Variants in RDX observed in about 807,000 individuals in gnomAD.
The protein encoded by RDX is radixin.
RDX carries 32 observed loss-of-function variants against 83.7 expected under a neutral mutation model. The ratio of observed to expected loss-of-function variants is 0.38; its 90% CI spans 0.29 to 0.51. The LOEUF (loss-of-function observed/expected upper bound fraction) is 0.51. Ranked by LOEUF, RDX falls within the 20% of genes least tolerant of loss-of-function variation. The pLI, the probability that RDX is intolerant of heterozygous loss-of-function variation, is 0.87. For synonymous variants in RDX, 229 were observed against 222.7 expected (o/e 1.03, Z -0.25); for missense variants, 600 against 689.9 (o/e 0.87, Z 1.46).
intron 14 of RDX, among the ~76,000 whole-genome samples, chr11:110,222,294 ATGCAAACC>A (rs1476757734): frequency 2.0e-5 from 3 of 152,210 alleles, no homozygotes; most frequent in Non-Finnish European, 4.4e-5. Context: ...TCCTGTAAAG[ATGCAAACC>A]TACTTTTCCA....
intron 1 of RDX, among the ~76,000 whole-genome samples, chr11:110,280,168 G>GT (rs1003620582): frequency 7.9e-5 from 12 of 151,848 alleles, no homozygotes; most frequent in East Asian, 3.9e-4. Flanking sequence ...CTTATTCAAT[G>GT]TTTTTTTTCT....
intron 1 of RDX, among the ~76,000 whole-genome samples, chr11:110,280,739 G>C (rs888349589): frequency 1.3e-5 from 2 of 152,230 alleles, no homozygotes; most frequent in Non-Finnish European, 2.9e-5. Context: ...AAGGTGAGAG[G>C]ACTGCTTAAG....
At chr11:110,275,182 G>A (rs1052295842) in intron 2 of RDX, among the ~76,000 whole-genome samples, 1 of 152,192 alleles carries the variant, frequency 6.6e-6, no homozygotes, top group Non-Finnish European at 1.5e-5. Flanking sequence ...TACATGGCAT[G>A]TGCATACAGA....
chr11:110,254,082 T>G lies in RDX; in HGVS notation c.823A>C (p.Arg275=), dbSNP rs1462006303. The part of the protein sequence containing the change: ...PDFVFYAPRL[R]INKRILALCM... ...AAGGCCAAAATCCGCTTATTGATTC[T>G]CAGACGAGGTGCATAAAACACAAAA... The change falls in exon 9 of 14, where the codon AGA becomes CGA. Residue 275 remains arginine, a synonymous_variant. Transcript: ENST00000645495. 2 of 1,613,540 alleles carry G rather than the reference T, an allele frequency of 1.2e-6. No homozygotes were observed. Among genetic ancestry groups the G allele is most frequent in the Non-Finnish European group, 1.7e-6 (2 of 1,179,800 alleles).
intron 15 of RDX, among the ~76,000 whole-genome samples, chr11:110,196,520 A>C (rs1029426346): frequency 1.3e-5 from 2 of 152,234 alleles, no homozygotes; most frequent in African/African-American, 4.8e-5. Context: ...TGACGGTATA[A>C]ACACTCTCTC....
chr11:110,238,187 C>A (rs1224687052), intron 10 of RDX, among the ~76,000 whole-genome samples: 1 of 151,948 alleles, frequency 6.6e-6, no homozygotes, highest in Non-Finnish European at 1.5e-5. Context: ...TTACTGACCC[C>A]AAAATAGGAA....
At chr11:110,227,578 T>C (rs576624888), downstream of RDX, among the ~76,000 whole-genome samples, 7 of 152,126 alleles carry the variant, frequency 4.6e-5, no homozygotes, top group African/African-American at 1.2e-4. Context: ...CAATATGGCA[T>C]TGCCATTTTA....
chr11:110,206,192 G>T (rs1202895366), intron 14 of RDX, among the ~76,000 whole-genome samples: 1 of 146,372 alleles, frequency 6.8e-6, no homozygotes, highest in Non-Finnish European at 1.5e-5. Context: ...AGGAGGCAGA[G>T]GTTGCAGTGA....
chr11:110,176,870 G>T (rs1227736846), intron 15 of RDX, among the ~76,000 whole-genome samples: 1 of 152,142 alleles, frequency 6.6e-6, no homozygotes, highest in Non-Finnish European at 1.5e-5. Context: ...ATCTGAACAG[G>T]TAGCAGTATC....
At chr11:110,216,150 C>T (rs1441323306) in intron 14 of RDX, among the ~76,000 whole-genome samples, 4 of 152,182 alleles carry the variant, frequency 2.6e-5, no homozygotes, top group Non-Finnish European at 4.4e-5. Flanking sequence ...TGTGATCTGG[C>T]TGTTCCTCAA....
intron 3 of RDX, among the ~76,000 whole-genome samples, chr11:110,269,112 C>A (rs1158450651): frequency 6.6e-6 from 1 of 151,922 alleles, no homozygotes; most frequent in African/African-American, 2.4e-5. Context: ...CACCACCACA[C>A]TCAGCTAATG....
Position 110,257,143 on chromosome 11 carries a change from A to ATATACATGTATATGTAAATATACATATAT in RDX, c.698+595_698+623dup, listed in dbSNP as rs1160477545. ...ATTTACCCATGTATTTGTATAGTAC[A>ATATACATGTATATGTAAATATACATATAT]TATACATGTATATGTAAATATACAT... On this transcript the variant is annotated intron_variant, in intron 7 of 13. Coordinates refer to ENST00000645495, the MANE Select transcript of RDX (RefSeq NM_002906.4). Among the ~76,000 whole-genome samples, 270 of 151,534 alleles carry ATATACATGTATATGTAAATATACATATAT rather than the reference A, an allele frequency of 1.8e-3. 1 individual carries two copies. Among genetic ancestry groups the ATATACATGTATATGTAAATATACATATAT allele is most frequent in the African/African-American group, 6.3e-3 (261 of 41,426 alleles).
At chr11:110,209,044 G>A (rs952958689) in intron 14 of RDX, among the ~76,000 whole-genome samples, 3 of 152,232 alleles carry the variant, frequency 2.0e-5, no homozygotes, top group African/African-American at 4.8e-5. Flanking sequence ...CGACGCAGAA[G>A]ACGGGTGATT....
At chr11:110,251,845 G>A (rs1859352957) in intron 9 of RDX, among the ~76,000 whole-genome samples, 1 of 152,204 alleles carries the variant, frequency 6.6e-6, no homozygotes, top group African/African-American at 2.4e-5. Context: ...ATTATAGGGA[G>A]TAAATATAGC....
In RDX at chr11:110,231,566, T is replaced by C. The variant is rs1864634987; in HGVS notation, c.*303A>G. 2 of 395,808 alleles carry C rather than the reference T, an allele frequency of 5.1e-6. No homozygotes were observed. The highest frequency in any genetic ancestry group is 2.5e-5 in the South Asian group (1 of 39,632). 24.5% of individuals were successfully genotyped at this position (395,808 alleles called of 1,614,324 possible). On this transcript the variant is annotated 3_prime_UTR_variant, in exon 14 of 14. Coordinates refer to ENST00000645495, the MANE Select transcript of RDX (RefSeq NM_002906.4). ...AGAACTGAAACCACACATACACATT[T>C]GTCAGACGTGATAATTAGTGTTAAT...
At chr11:110,240,938 C>G (rs1413044908) in intron 10 of RDX, among the ~76,000 whole-genome samples, 2 of 149,742 alleles carry the variant, frequency 1.3e-5, no homozygotes, top group Non-Finnish European at 3.0e-5. Flanking sequence ...CGCCTGTAAC[C>G]TCAGCTACTC....
rs376810025 is a variant in RDX at position 110,237,599 on chromosome 11, C to G, written c.1144G>C (p.Ala382Pro). ...ALELDQERKR[A>P]KEEAERLEKE... ...TCAAGTCGTTCTGCTTCTTCTTTTGCTCGTTTTCGTTCTTGATCCAGTTCT... is the reference window on the plus strand; with the variant it reads ...TCAAGTCGTTCTGCTTCTTCTTTTGGTCGTTTTCGTTCTTGATCCAGTTCT... Residue 382 changes from alanine (A) to proline (P), a missense_variant, in exon 11 of 14, where the codon GCA becomes CCA. Physicochemically the swap from Ala to Pro is conservative, Grantham distance 27. Transcript: ENST00000645495. 1.2e-6 allele frequency: 2 copies of G among 1,614,140 alleles called. No individual in the cohort carries two copies. Among genetic ancestry groups the G allele is most frequent in the Non-Finnish European group, 1.7e-6 (2 of 1,180,014 alleles).
intron 11 of RDX, chr11:110,236,611 G>A (rs1864860696): frequency 6.1e-6 from 1 of 164,580 alleles, no homozygotes; most frequent in African/African-American, 2.4e-5. Context: ...TCATTAACAG[G>A]TAGTATCATT....
At chr11:110,227,849 C>T (rs1294266716), downstream of RDX, among the ~76,000 whole-genome samples, 1 of 152,054 alleles carries the variant, frequency 6.6e-6, no homozygotes, top group East Asian at 1.9e-4. Flanking sequence ...TGGGGTATCA[C>T]CTTAGTCAAG....
Sources: gnomAD v4.1 joint callset for allele counts (sites outside exome capture counted in the v4.1 genomes callset) on GRCh38, gnomAD v4.1.1 for gene constraint, MANE v1.5 for transcripts, NCBI Gene and HGNC (gene_info 2026-07-23, HGNC 2026-07-21) for gene names.